DNAI2: variants seen among roughly 807,000 people sequenced by gnomAD.
The protein encoded by DNAI2 is dynein axonemal intermediate chain 2.
Under a neutral mutation model 74.7 loss-of-function variants are expected in DNAI2, and 63 were observed. That is an observed-to-expected ratio of 0.84 (90% CI 0.69 to 1.04). The LOEUF is 1.04. Ranked by LOEUF, DNAI2 falls within the 50% of genes least tolerant of loss-of-function variation. The pLI is 0.00. For missense variants in DNAI2, 688 were observed against 803.2 expected (o/e 0.86, Z 1.73); for synonymous variants, 289 against 314.9 (o/e 0.92, Z 0.87).
intron 4 of DNAI2, among the ~76,000 whole-genome samples, 195 bp from the exon 5 acceptor site, chr17:74,289,399 C>T (rs932595933): frequency 9.9e-5 from 15 of 151,920 alleles, no homozygotes; most frequent in Admixed American, 2.0e-4. Context: ...TGGTGGTGTG[C>T]GCCTGTAATC....
In DNAI2 at chr17:74,305,132, C is replaced by A; in HGVS notation, c.988-87C>A. ...TGAGGGCCTTTCTAGCGCCTGCAGACCCCCCAAGCAAGCTCCTGTCCATGC... is the reference window on the plus strand; with the variant it reads ...TGAGGGCCTTTCTAGCGCCTGCAGAACCCCCAAGCAAGCTCCTGTCCATGC... On this transcript the variant is annotated intron_variant, in intron 8 of 13. Coordinates refer to ENST00000311014, the MANE Select transcript of DNAI2 (RefSeq NM_023036.6). 4 of 1,399,466 alleles carry A rather than the reference C, an allele frequency of 2.9e-6. No individual in the cohort carries two copies. In the Admixed American group the frequency reaches 7.2e-5, roughly 25 times the overall value. The allele number at this position is 1,399,466 out of a possible 1,614,324, so 86.7% of individuals were successfully genotyped here.
chr17:74,310,045 G>A lies in DNAI2; in HGVS notation c.1376G>A (p.Arg459Gln), dbSNP rs774591252. 4.3e-6 allele frequency: 7 copies of A among 1,613,872 alleles called. No homozygotes were observed. The highest frequency in any genetic ancestry group is 5.9e-6 in the Non-Finnish European group (7 of 1,180,030). ...TGTGACGAGGCCCTCTTCTGCCTCC[G>A]GGTGCAGGACAATGGGTGTCTCATC... ...KVCDEALFCL[R>Q]VQDNGCLIAC... The change falls in exon 11 of 14, where the codon CGG becomes CAG. Residue 459 changes from arginine to glutamine, a missense_variant. Arg to Gln is a conservative substitution (Grantham distance 43). Coordinates refer to ENST00000311014, the MANE Select transcript of DNAI2 (RefSeq NM_023036.6).
At chr17:74,306,199 T>C (rs2053182233) in intron 9 of DNAI2, among the ~76,000 whole-genome samples, 1 of 152,218 alleles carries the variant, frequency 6.6e-6, no homozygotes, top group African/African-American at 2.4e-5. Flanking sequence ...TCTTGCTCAG[T>C]GCCACTCCTC....
At chr17:74,291,439 C>T (rs1450078681) in intron 6 of DNAI2, among the ~76,000 whole-genome samples, 2 of 152,204 alleles carry the variant, frequency 1.3e-5, no homozygotes, top group Non-Finnish European at 2.9e-5. Flanking sequence ...GCTGGGATTA[C>T]AGGTGTGGGC....
At chr17:74,302,630 G>C (rs1019809461) in intron 8 of DNAI2, among the ~76,000 whole-genome samples, 2 of 152,218 alleles carry the variant, frequency 1.3e-5, no homozygotes, top group Non-Finnish European at 2.9e-5. Flanking sequence ...AAATGTGTTA[G>C]AGGAGGGAAG....
At chr17:74,311,439 C>A (rs1403028080) in intron 11 of DNAI2, among the ~76,000 whole-genome samples, 1 of 152,152 alleles carries the variant, frequency 6.6e-6, no homozygotes, top group Non-Finnish European at 1.5e-5. Context: ...CATGAAGAAA[C>A]CTCGTCTCTA....
intron 5 of DNAI2, 35 bp from the exon 6 acceptor site, chr17:74,290,985 G>C (rs765902505): frequency 5.7e-5 from 91 of 1,583,214 alleles, no homozygotes; most frequent in Non-Finnish European, 7.7e-5. Context: ...TTTTCTTTCC[G>C]GGCCTGGTGG....
At chr17:74,279,762 C>T (rs976022335) in intron 1 of DNAI2, among the ~76,000 whole-genome samples, 1 of 152,194 alleles carries the variant, frequency 6.6e-6, no homozygotes, top group Admixed American at 6.5e-5. Flanking sequence ...CTCCTGACCT[C>T]AAGTGATCCA....
intron 6 of DNAI2, among the ~76,000 whole-genome samples, chr17:74,294,787 A>T (rs544062512): frequency 5.3e-5 from 8 of 151,892 alleles, no homozygotes; most frequent in South Asian, 4.2e-4. Context: ...TTATTTTTTT[A>T]AAAATCAAAT....
In DNAI2 at chr17:74,291,135, T is replaced by A; in HGVS notation, c.724+2T>A. 6.3e-7 allele frequency: 1 copy of A among 1,598,860 alleles called. No individual in the cohort carries two copies. The highest frequency in any genetic ancestry group is 8.6e-7 in the Non-Finnish European group (1 of 1,166,098). On this transcript the variant is annotated splice_donor_variant, in intron 6 of 13. Transcript: ENST00000311014. LOFTEE classifies it high-confidence loss of function. Reference sequence around the variant, plus strand: ...GTGGCTGCTACAATGGACAGATAGGTAAGGAGGGACCTAGGCTTTTTTATT... The same window carrying A: ...GTGGCTGCTACAATGGACAGATAGGAAAGGAGGGACCTAGGCTTTTTTATT...
At position 74,312,159 on chromosome 17, in the gene DNAI2, G is replaced by A; in HGVS notation, c.1651G>A (p.Glu551Lys). 1 of 1,599,784 alleles carries A rather than the reference G, an allele frequency of 6.3e-7. No individual in the cohort carries two copies. ...LEALVSKAEEEFFDIIFAELK... is the reference protein window; with the variant it reads ...LEALVSKAEEKFFDIIFAELK... ...GGCGCTGGTCAGCAAGGCCGAGGAG[G>A]AGTTCTTCGACATCATCTTCGCAGA... Residue 551 changes from glutamate to lysine, a missense_variant, in exon 12 of 14, where the codon GAG (glutamate) becomes AAG (lysine). Glu to Lys is a moderately conservative substitution (Grantham distance 56). Transcript: ENST00000311014.
At chr17:74,281,236 G>A (rs1244664813) in intron 1 of DNAI2, among the ~76,000 whole-genome samples, 1 of 152,034 alleles carries the variant, frequency 6.6e-6, no homozygotes, top group African/African-American at 2.4e-5. Context: ...AGCATCAAAT[G>A]CCTTCAAAGA....
intron 9 of DNAI2, among the ~76,000 whole-genome samples, chr17:74,307,611 C>T (rs1213613561): frequency 2.0e-5 from 3 of 151,806 alleles, no homozygotes; most frequent in African/African-American, 4.8e-5. Context: ...CAAGACCAGC[C>T]GAGATTGCGC....
chr17:74,275,892 GCAA>G (rs769833556), intron 1 of DNAI2, among the ~76,000 whole-genome samples: 4 of 151,704 alleles, frequency 2.6e-5, no homozygotes, highest in Non-Finnish European at 4.4e-5. Flanking sequence ...TGTCCCAAAA[GCAA>G]CAACAACAAA....
chr17:74,281,958 G>T lies in DNAI2; in HGVS notation c.141G>T (p.Val47=). ...LAEQFVERNP[V]DTGIQCSISM... ...AGCAGTTCGTGGAGCGGAACCCAGTGGACACGGGCATCCAGTGCTCGATCA... is the reference window on the plus strand; with the variant it reads ...AGCAGTTCGTGGAGCGGAACCCAGTTGACACGGGCATCCAGTGCTCGATCA... The change falls in exon 2 of 14, where the codon GTG becomes GTT. Residue 47 remains valine, a synonymous_variant. Coordinates refer to ENST00000311014, the MANE Select transcript of DNAI2 (RefSeq NM_023036.6). 2.5e-6 allele frequency: 4 copies of T among 1,614,154 alleles called. No homozygotes were observed. The highest frequency in any genetic ancestry group is 3.4e-6 in the Non-Finnish European group (4 of 1,180,022).
At chr17:74,289,532 AAAG>A in intron 4 of DNAI2, 59 bp from the exon 5 acceptor site, 3 of 1,584,046 alleles carry the variant, frequency 1.9e-6, no homozygotes, top group Non-Finnish European at 1.7e-6. Context: ...AAAAAAAAAA[AAAG>A]GGGGAGAAAT....
chr17:74,300,703 A>G lies in DNAI2; in HGVS notation c.865-343A>G, dbSNP rs2052710286. Reference sequence around the variant, plus strand: ...GGCAGTGGGACTTCTAGGTCGGAGCACACATGCATTTTTAACATTGCCGGA... The same window carrying G: ...GGCAGTGGGACTTCTAGGTCGGAGCGCACATGCATTTTTAACATTGCCGGA... On this transcript the variant is annotated intron_variant, in intron 7 of 13. Transcript: ENST00000311014. The surrounding 1 kb of genome is among the most constrained non-coding windows in gnomAD (Gnocchi z 4.5). Among the ~76,000 whole-genome samples, 1 of 152,230 alleles carries G rather than the reference A, an allele frequency of 6.6e-6. No individual in the cohort carries two copies. The highest frequency in any genetic ancestry group is 1.5e-5 in the Non-Finnish European group (1 of 68,042).
intron 1 of DNAI2, among the ~76,000 whole-genome samples, chr17:74,277,435 C>T (rs1417577262): frequency 6.6e-6 from 1 of 151,886 alleles, no homozygotes; most frequent in African/African-American, 2.4e-5. Flanking sequence ...ATGCCACTTT[C>T]TGCAACAGTC....
intron 3 of DNAI2, among the ~76,000 whole-genome samples, chr17:74,285,966 TATATAG>T (rs1174425122): frequency 1.4e-4 from 20 of 138,388 alleles, no homozygotes; most frequent in African/African-American, 5.2e-4. Flanking sequence ...CACATATATA[TATATAG>T]AGAGAGAGAG....
Sources: allele counts gnomAD v4.1 joint callset (sites outside exome capture counted in the v4.1 genomes callset), GRCh38; gene constraint gnomAD v4.1.1; non-coding constraint Gnocchi (gnomAD v3.1); transcripts MANE v1.5; gene names NCBI Gene and HGNC (gene_info 2026-07-23, HGNC 2026-07-21).